HHIPL1: variants seen among roughly 807,000 people sequenced by gnomAD.
The protein encoded by HHIPL1 is HHIP-like protein 1.
Under a neutral mutation model 61.8 loss-of-function variants are expected in HHIPL1, and 43 were observed. The ratio of observed to expected loss-of-function variants is 0.70; its 90% CI spans 0.55 to 0.90. HHIPL1 has a LOEUF of 0.90. HHIPL1 is among the 40% of genes least tolerant of loss of function. The pLI, the probability that HHIPL1 is intolerant of heterozygous loss-of-function variation, is 0.00. For synonymous variants in HHIPL1, 482 were observed against 515.8 expected, an observed-to-expected ratio of 0.93 and a Z score of 0.89; for missense variants, 1,056 against 1,157.7, an observed-to-expected ratio of 0.91 and a Z score of 1.28.
upstream of HHIPL1, among the ~76,000 whole-genome samples, chr14:99,643,104 G>A (rs1021885945): frequency 1.3e-5 from 2 of 151,464 alleles, no homozygotes; most frequent in Admixed American, 6.6e-5. Context: ...GCAATGGCAC[G>A]ATCTCAGCTC....
intron 2 of HHIPL1, among the ~76,000 whole-genome samples, chr14:99,654,022 C>G (rs1462675652): frequency 6.6e-6 from 1 of 152,014 alleles, no homozygotes; most frequent in Non-Finnish European, 1.5e-5. Context: ...AACCCTGTCT[C>G]TACTAAAAAC....
intron 1 of HHIPL1, among the ~76,000 whole-genome samples, chr14:99,646,802 G>GATATGATATGATATGATATGATATA (rs2055843251): frequency 1.1e-5 from 1 of 92,952 alleles, no homozygotes; most frequent in South Asian, 3.4e-4. Context: ...AATATGATAT[G>GATATGATATGATATGATATGATATA]ATATGATATG....
chr14:99,610,691 G>A, the HHIPL1 span, among the ~76,000 whole-genome samples: 1 of 152,122 alleles, frequency 6.6e-6, no homozygotes, highest in African/African-American at 2.4e-5. Context: ...AACCCGGGAG[G>A]CAGAGGTTGC....
chr14:99,675,941 G>A lies in HHIPL1; in HGVS notation c.*315G>A. 1 of 333,848 alleles carries A rather than the reference G, an allele frequency of 3.0e-6. No individual in the cohort carries two copies. The highest frequency in any genetic ancestry group is 5.4e-6 in the Non-Finnish European group (1 of 183,562). 20.7% of individuals were successfully genotyped at this position (333,848 alleles called of 1,614,324 possible). A position where few individuals can be genotyped will look rare whatever the true frequency, so the allele number is the denominator to read the frequency against. ...CGGGCTGTGGGACCCTGAGGAGGGA[G>A]GGCAGCCAGGCTTCGAGGACGGACA... is the stretch of plus-strand genomic sequence containing the variant. On this transcript the variant is annotated 3_prime_UTR_variant, in exon 9 of 9. Transcript: ENST00000330710. The surrounding 1 kb of genome is among the most constrained non-coding windows in gnomAD (Gnocchi z 5.4).
At chr14:99,613,646 T>C in the HHIPL1 span, among the ~76,000 whole-genome samples, 9 of 152,076 alleles carry the variant, frequency 5.9e-5, no homozygotes, top group Non-Finnish European at 1.5e-5. Flanking sequence ...CAGTGGCTCA[T>C]GCCTGTAATC....
At chr14:99,623,129 G>A in the HHIPL1 span, among the ~76,000 whole-genome samples, 2 of 152,222 alleles carry the variant, frequency 1.3e-5, no homozygotes, top group Admixed American at 1.3e-4. Context: ...AGCACCCTAG[G>A]AGGAAAGCCA....
chr14:99,621,889 G>A, the HHIPL1 span, among the ~76,000 whole-genome samples: 1 of 151,534 alleles, frequency 6.6e-6, no homozygotes, highest in South Asian at 2.1e-4. Flanking sequence ...CTAATTTTTT[G>A]TATTTTTAGC....
At chr14:99,626,846 G>A in the HHIPL1 span, among the ~76,000 whole-genome samples, 37 of 152,266 alleles carry the variant, frequency 2.4e-4, 1 homozygote, top group South Asian at 7.3e-3. Context: ...CTGGCTCCCC[G>A]AATCTGTTCC....
the HHIPL1 span, among the ~76,000 whole-genome samples, chr14:99,637,211 A>T: frequency 1.0e-5 from 1 of 98,774 alleles, no homozygotes; most frequent in Admixed American, 9.2e-5. Context: ...GAAGAAAGAA[A>T]GAAAGAAAGA....
upstream of HHIPL1, among the ~76,000 whole-genome samples, chr14:99,642,527 A>ATT (rs145210743): frequency 1.4e-5 from 2 of 144,798 alleles, no homozygotes; most frequent in Non-Finnish European, 1.5e-5. Context: ...ATATCTTTTA[A>ATT]TTTTTTTTTT....
the HHIPL1 span, among the ~76,000 whole-genome samples, chr14:99,639,068 T>C: frequency 3.3e-4 from 51 of 152,388 alleles, 1 homozygote; most frequent in Non-Finnish European, 2.2e-4. Context: ...AATAATAAGA[T>C]GCCTAGCACG....
At chr14:99,629,206 G>A in the HHIPL1 span, among the ~76,000 whole-genome samples, 1 of 152,208 alleles carries the variant, frequency 6.6e-6, no homozygotes, top group South Asian at 2.1e-4. Context: ...CCTTATACCT[G>A]TGCACACCTC....
the HHIPL1 span, among the ~76,000 whole-genome samples, chr14:99,604,831 G>C: frequency 6.6e-6 from 1 of 152,166 alleles, no homozygotes; most frequent in Admixed American, 6.5e-5. Context: ...GCGAACAATA[G>C]GACTGTGACA....
At chr14:99,634,821 C>T in the HHIPL1 span, among the ~76,000 whole-genome samples, 1 of 152,184 alleles carries the variant, frequency 6.6e-6, no homozygotes, top group Non-Finnish European at 1.5e-5. Context: ...GGCTGGCAGT[C>T]CGCAGCGGGA....
chr14:99,666,459 G>A (rs1038934680), intron 6 of HHIPL1, among the ~76,000 whole-genome samples: 5 of 152,304 alleles, frequency 3.3e-5, no homozygotes, highest in Non-Finnish European at 7.3e-5. Flanking sequence ...AGTCTGCCTG[G>A]TCCAGCCTTG....
chr14:99,667,828 C>G (rs2056270323), intron 6 of HHIPL1, among the ~76,000 whole-genome samples: 1 of 152,194 alleles, frequency 6.6e-6, no homozygotes. Context: ...GCCTGCGGGT[C>G]CCCTGGAAGC....
At chr14:99,642,064 C>T (rs1201763996), upstream of HHIPL1, among the ~76,000 whole-genome samples, 4 of 151,884 alleles carry the variant, frequency 2.6e-5, no homozygotes, top group Non-Finnish European at 5.9e-5. Context: ...CTCAGCCTCC[C>T]GAGTAGCTGG....
intron 6 of HHIPL1, among the ~76,000 whole-genome samples, chr14:99,667,625 G>A (rs1595167556): frequency 6.6e-6 from 1 of 152,228 alleles, no homozygotes; most frequent in African/African-American, 2.4e-5. Context: ...TCCTGCCTGG[G>A]AGGTGCTTGT....
At chr14:99,662,388 GC>G (rs2056165951) in intron 5 of HHIPL1, among the ~76,000 whole-genome samples, 1 of 152,242 alleles carries the variant, frequency 6.6e-6, no homozygotes, top group Admixed American at 6.5e-5. Context: ...GAGCTCCAGT[GC>G]TTGGCAGGTT....
Sources: gnomAD v4.1 joint callset for allele counts (sites outside exome capture counted in the v4.1 genomes callset) on GRCh38, gnomAD v4.1.1 for gene constraint, Gnocchi (gnomAD v3.1) non-coding constraint, MANE v1.5 for transcripts, NCBI Gene and HGNC (gene_info 2026-07-23, HGNC 2026-07-21) for gene names.